SYT14: variants seen among roughly 807,000 people sequenced by gnomAD.
SYT14 encodes synaptotagmin-14.
In SYT14, 32 loss-of-function variants were observed where a neutral mutation model predicts 74.2. The observed-to-expected ratio is 0.43, with a 90% CI of 0.33 to 0.58. SYT14 has a LOEUF of 0.58. Ranked by LOEUF, SYT14 falls within the 20% of genes least tolerant of loss-of-function variation. The pLI is 0.05. For missense variants in SYT14, 791 were observed against 981.8 expected (o/e 0.81, Z 2.60); for synonymous variants, 298 against 337.7 (o/e 0.88, Z 1.29).
intron 5 of SYT14, among the ~76,000 whole-genome samples, chr1:210,061,489 T>G (rs2102412467): frequency 6.6e-6 from 1 of 152,048 alleles, no homozygotes; most frequent in African/African-American, 2.4e-5. Flanking sequence ...TTCAGTTATC[T>G]TTTTTTCCTT....
In SYT14 at chr1:209,954,996, G is replaced by A. The variant is rs145625502; in HGVS notation, c.-486+2240G>A. Among the ~76,000 whole-genome samples, 13 of 152,134 alleles carry A rather than the reference G, an allele frequency of 8.5e-5. No homozygotes were observed. The East Asian group carries it at 9.6e-4, about 11-fold the overall frequency. On this transcript the variant is annotated intron_variant, in intron 2 of 9. Transcript: ENST00000637265. ...TCTGGGATTACCACCATGAGCCACC[G>A]CACTCGGCTAGACATCACAACTTCT... is the stretch of plus-strand genomic sequence containing the variant.
chr1:209,942,195 C>T (rs2078744179), intron 1 of SYT14, among the ~76,000 whole-genome samples: 1 of 152,062 alleles, frequency 6.6e-6, no homozygotes, highest in South Asian at 2.1e-4. Flanking sequence ...ATGCCATTGT[C>T]CAGAAGCGTA....
chr1:210,001,539 T>C (rs893274696), intron 2 of SYT14, among the ~76,000 whole-genome samples: 16 of 152,326 alleles, frequency 1.1e-4, no homozygotes, highest in African/African-American at 3.8e-4. Context: ...ATCCCAAATA[T>C]CAGCTGGCTT....
chr1:210,140,590 A>G (rs2082893823), intron 7 of SYT14, among the ~76,000 whole-genome samples: 2 of 152,120 alleles, frequency 1.3e-5, no homozygotes, highest in Non-Finnish European at 1.5e-5. Context: ...AATATAAGAT[A>G]AAGATTTACT....
chr1:210,104,035 T>A (rs746560460), intron 7 of SYT14, among the ~76,000 whole-genome samples: 6 of 152,216 alleles, frequency 3.9e-5, no homozygotes, highest in Non-Finnish European at 8.8e-5. Flanking sequence ...CATACTTATT[T>A]TCTGGAAACC....
chr1:210,016,898 A>G (rs898696017), exon 4 of SYT14: 1 of 1,231,754 alleles, frequency 8.1e-7, no homozygotes, highest in Non-Finnish European at 1.0e-6. Context: ...ACAGAAATCT[A>G]TTATAAAAGA....
chr1:210,003,829 A>G (rs1006877533), intron 2 of SYT14, among the ~76,000 whole-genome samples: 6 of 152,162 alleles, frequency 3.9e-5, no homozygotes, highest in Non-Finnish European at 8.8e-5. Flanking sequence ...CCAAATCCTT[A>G]CAAATAATTG....
At chr1:210,157,591 A>G (rs2083293788) in intron 8 of SYT14, among the ~76,000 whole-genome samples, 1 of 151,588 alleles carries the variant, frequency 6.6e-6, no homozygotes, top group South Asian at 2.1e-4. Context: ...AAATACAAAA[A>G]ATTAACTGGG....
intron 5 of SYT14, among the ~76,000 whole-genome samples, chr1:210,052,665 C>CAA (rs561069342): frequency 3.8e-4 from 16 of 42,224 alleles, no homozygotes; most frequent in South Asian, 1.1e-3. Context: ...TACATCTCAC[C>CAA]AAAAAAAAAA....
intron 5 of SYT14, among the ~76,000 whole-genome samples, chr1:210,067,831 C>G (rs227208): frequency 0.11 from 16,594 of 151,680 alleles, 1,214 homozygotes; most frequent in Non-Finnish European, 0.15. Context: ...AGAAATAAAA[C>G]AGGAATTGCT....
intron 4 of SYT14, among the ~76,000 whole-genome samples, chr1:210,018,764 G>C (rs1252433250): frequency 2.0e-5 from 3 of 152,118 alleles, no homozygotes; most frequent in African/African-American, 7.2e-5. Flanking sequence ...TTGACACATA[G>C]ATTAACCCTT....
At chr1:210,057,896 A>G (rs1050160519) in intron 5 of SYT14, among the ~76,000 whole-genome samples, 1 of 152,166 alleles carries the variant, frequency 6.6e-6, no homozygotes, top group Non-Finnish European at 1.5e-5. Flanking sequence ...GGTAAGGAGG[A>G]CCATCTCTCA....
rs374047741 is a variant in SYT14, at chr1:210,160,716, T to G, written c.2282-13T>G. The G allele has an allele frequency of 1.4e-4, 222 of 1,611,196 alleles. 1 individual carries two copies. The highest frequency in any genetic ancestry group is 1.8e-4 in the Non-Finnish European group (213 of 1,178,242). ...AAATGATATTTGTGATACGTTGTCT[T>G]TTTCTTCTTTAGATACATATGTTAA... On this transcript the variant is annotated splice_polypyrimidine_tract_variant and intron_variant, in intron 9 of 9. Coordinates refer to ENST00000637265, the Ensembl canonical transcript of SYT14.
intron 2 of SYT14, among the ~76,000 whole-genome samples, chr1:209,987,843 CTCTTT>C (rs2079597688): frequency 6.6e-6 from 1 of 152,146 alleles, no homozygotes. Context: ...TCAGCCTTAC[CTCTTT>C]TCTTTTGTAG....
At position 210,016,775 on chromosome 1, in the gene SYT14, G is replaced by A; in HGVS notation, c.772G>A (p.Asp258Asn). ...ACATCTTCCCGATTTAGGGCATTCA[G>A]ATCATTTAAAGAAAGCTGAAAAATG... Residue 258 changes from aspartate to asparagine, a missense_variant, in exon 4 of 10, where the codon GAT (aspartate) becomes AAT (asparagine). By Grantham distance (23) the Asp-to-Asn change is conservative. Transcript: ENST00000637265. The A allele has an allele frequency of 4.9e-6, 6 of 1,231,806 alleles. No individual in the cohort carries two copies. The South Asian group carries it at 1.6e-4, about 34-fold the overall frequency. 76.3% of individuals were successfully genotyped at this position (1,231,806 alleles called of 1,614,324 possible).
At chr1:210,106,256 G>A (rs1328290136) in intron 7 of SYT14, among the ~76,000 whole-genome samples, 1 of 152,188 alleles carries the variant, frequency 6.6e-6, no homozygotes, top group Non-Finnish European at 1.5e-5. Flanking sequence ...AAGTCAAGCT[G>A]CAGTGCATGC....
intron 5 of SYT14, among the ~76,000 whole-genome samples, chr1:210,092,770 A>C (rs2081898429): frequency 6.6e-6 from 1 of 152,246 alleles, no homozygotes; most frequent in South Asian, 2.1e-4. Context: ...GCATCTGTGA[A>C]TTCAACCAAC....
At chr1:210,108,377 A>T (rs1192769704) in intron 7 of SYT14, among the ~76,000 whole-genome samples, 1 of 152,232 alleles carries the variant, frequency 6.6e-6, no homozygotes, top group African/African-American at 2.4e-5. Flanking sequence ...GAATAATCTG[A>T]ATATTAAAAA....
intron 2 of SYT14, 83 bp downstream of exon 2, chr1:209,952,839 A>C (rs1225098397): frequency 5.2e-6 from 7 of 1,347,298 alleles, no homozygotes; most frequent in African/African-American, 4.3e-5. Context: ...GATGGCGGAT[A>C]ATTTGTATTT....
Sources: gnomAD v4.1 joint callset for allele counts (sites outside exome capture counted in the v4.1 genomes callset) on GRCh38, gnomAD v4.1.1 for gene constraint, MANE v1.5 for transcripts, NCBI Gene and HGNC (gene_info 2026-07-23, HGNC 2026-07-21) for gene names.